NEK7: variants seen among roughly 807,000 people sequenced by gnomAD.
NEK7 encodes serine/threonine-protein kinase Nek7.
A neutral mutation model predicts 44.6 loss-of-function variants in NEK7; 18 were observed. That is an observed-to-expected ratio of 0.40 (90% CI 0.28 to 0.60). The LOEUF is 0.60. Ranked by LOEUF, NEK7 falls within the 20% of genes least tolerant of loss-of-function variation. The pLI, the probability that NEK7 is intolerant of heterozygous loss-of-function variation, is 0.38. For missense variants in NEK7, 256 were observed against 366.5 expected (o/e 0.70, Z 2.46); for synonymous variants, 130 against 121.1 (o/e 1.07, Z -0.48).
At chr1:198,291,942 A>G (rs944674397) in intron 7 of NEK7, among the ~76,000 whole-genome samples, 12 of 152,156 alleles carry the variant, frequency 7.9e-5, no homozygotes, top group African/African-American at 2.9e-4. Context: ...TTTAAGATTT[A>G]TAGTAAACAC....
intron 1 of NEK7, among the ~76,000 whole-genome samples, chr1:198,207,995 C>T (rs1359666246): frequency 6.6e-6 from 1 of 152,160 alleles, no homozygotes; most frequent in Non-Finnish European, 1.5e-5. Context: ...TGTTGGTTGT[C>T]ATGTATTTCA....
Position 198,222,992 on chromosome 1 carries a change from C to T in NEK7, c.-28-9561C>T, listed in dbSNP as rs190615021. ...GCCTAGAGGATAGCAAATACAAAGGCCTGATGCCAGACAGGATTTCACAGG... is the reference window on the plus strand; with the variant it reads ...GCCTAGAGGATAGCAAATACAAAGGTCTGATGCCAGACAGGATTTCACAGG... On this transcript the variant is annotated intron_variant, in intron 1 of 9. Coordinates refer to ENST00000367385, the MANE Select transcript of NEK7 (RefSeq NM_133494.3). 2.6e-5 allele frequency among the ~76,000 whole-genome samples: 4 copies of T among 152,066 alleles called. No homozygotes were observed. In the East Asian group the frequency reaches 7.7e-4, roughly 29 times the overall value.
chr1:198,202,037 A>G (rs1236335449), intron 1 of NEK7, among the ~76,000 whole-genome samples: 1 of 152,204 alleles, frequency 6.6e-6, no homozygotes, highest in Non-Finnish European at 1.5e-5. Flanking sequence ...GTTTATTACA[A>G]TCAATTCATC....
intron 1 of NEK7, among the ~76,000 whole-genome samples, chr1:198,178,903 C>G (rs973550819): frequency 6.6e-6 from 1 of 151,686 alleles, no homozygotes; most frequent in African/African-American, 2.4e-5. Context: ...AGAGATCTAG[C>G]TATTTGATTC....
At chr1:198,157,744 T>C (rs1235961449) in intron 1 of NEK7, among the ~76,000 whole-genome samples, 1 of 150,934 alleles carries the variant, frequency 6.6e-6, no homozygotes, top group Non-Finnish European at 1.5e-5. Context: ...TGGGAGAGAG[T>C]GGGTGGTGGG....
intron 2 of NEK7, among the ~76,000 whole-genome samples, chr1:198,241,574 G>A (rs1344559523): frequency 6.6e-6 from 1 of 152,204 alleles, no homozygotes; most frequent in Admixed American, 6.5e-5. Context: ...ACCCTGTGGT[G>A]TACCAGCATT....
chr1:198,304,271 A>G (rs1369341866), intron 9 of NEK7, among the ~76,000 whole-genome samples: 1 of 152,194 alleles, frequency 6.6e-6, no homozygotes, highest in East Asian at 1.9e-4. Context: ...TATAGACATT[A>G]CATTACCTTA....
At chr1:198,245,075 C>T (rs1303152457) in intron 2 of NEK7, 1 of 162,174 alleles carries the variant, frequency 6.2e-6, no homozygotes, top group Non-Finnish European at 1.5e-5. Flanking sequence ...ATAAAATAAA[C>T]TACAGAAAAG....
At chr1:198,187,263 G>A (rs1482906236) in intron 1 of NEK7, among the ~76,000 whole-genome samples, 2 of 152,058 alleles carry the variant, frequency 1.3e-5, no homozygotes, top group East Asian at 3.9e-4. Context: ...TTGGTAGGTG[G>A]GGACTGCAGG....
At chr1:198,175,455 A>T (rs1664578296) in intron 1 of NEK7, among the ~76,000 whole-genome samples, 1 of 152,222 alleles carries the variant, frequency 6.6e-6, no homozygotes, top group South Asian at 2.1e-4. Flanking sequence ...CAACTTCGTT[A>T]TGATAAAATT....
intron 7 of NEK7, among the ~76,000 whole-genome samples, chr1:198,285,966 C>T (rs544601778): frequency 9.3e-4 from 141 of 152,168 alleles, no homozygotes; most frequent in African/African-American, 3.1e-3. Flanking sequence ...TTGGAAAATT[C>T]TAAGCAGAGA....
chr1:198,212,431 A>G (rs953591366), intron 1 of NEK7, among the ~76,000 whole-genome samples: 5 of 152,202 alleles, frequency 3.3e-5, no homozygotes, highest in Non-Finnish European at 7.3e-5. Context: ...ACCTGGGAGC[A>G]GAGTGGGACT....
intron 1 of NEK7, among the ~76,000 whole-genome samples, chr1:198,222,527 C>CGTCA: frequency 6.6e-6 from 1 of 152,060 alleles, no homozygotes. Context: ...ACGGTGGTAC[C>CGTCA]ACCACGTGCT....
chr1:198,240,499 C>CAAA (rs11415702), intron 2 of NEK7, among the ~76,000 whole-genome samples: 9 of 123,394 alleles, frequency 7.3e-5, no homozygotes, highest in South Asian at 2.4e-4. Context: ...GACTCCGTCT[C>CAAA]AAAAAAAAAA....
intron 3 of NEK7, among the ~76,000 whole-genome samples, chr1:198,261,305 CTTCAAG>C (rs1235414262): frequency 1.3e-5 from 2 of 152,000 alleles, no homozygotes; most frequent in Admixed American, 6.6e-5. Flanking sequence ...AACAACCTGG[CTTCAAG>C]TCCTGATTCT....
intron 1 of NEK7, among the ~76,000 whole-genome samples, chr1:198,221,697 T>C (rs1304186726): frequency 6.6e-6 from 1 of 151,926 alleles, no homozygotes; most frequent in Non-Finnish European, 1.5e-5. Flanking sequence ...TTAAAGCTTC[T>C]TATTTTGATT....
intron 5 of NEK7, among the ~76,000 whole-genome samples, chr1:198,274,192 A>T: frequency 8.1e-6 from 1 of 124,002 alleles, no homozygotes; most frequent in African/African-American, 3.7e-5. Flanking sequence ...ATTTCTCATC[A>T]TTTAATTAAC....
intron 7 of NEK7, among the ~76,000 whole-genome samples, chr1:198,280,466 GT>G (rs1452546266): frequency 9.9e-5 from 15 of 152,036 alleles, no homozygotes; most frequent in Non-Finnish European, 1.9e-4. Flanking sequence ...TGAGCCTGCT[GT>G]AGTTATCCAG....
intron 1 of NEK7, among the ~76,000 whole-genome samples, chr1:198,172,609 G>C (rs576175003): frequency 2.0e-4 from 31 of 152,284 alleles, no homozygotes; most frequent in African/African-American, 7.5e-4. Flanking sequence ...CAGTCAGATA[G>C]GTCCTCCTGT....
Sources: gnomAD v4.1 joint callset for allele counts (sites outside exome capture counted in the v4.1 genomes callset) on GRCh38, gnomAD v4.1.1 for gene constraint, MANE v1.5 for transcripts, NCBI Gene and HGNC (gene_info 2026-07-23, HGNC 2026-07-21) for gene names.